CEP63: variants seen among roughly 807,000 people sequenced by gnomAD.
CEP63 encodes the protein centrosomal protein 63, also known as centrosomal protein of 63 kDa.
A neutral mutation model predicts 89.1 loss-of-function variants in CEP63; 84 were observed. The observed-to-expected ratio is 0.94, with a 90% confidence interval of 0.79 to 1.13. The LOEUF (loss-of-function observed/expected upper bound fraction) is 1.13, where lower values mean the gene tolerates loss of function less well. Among genes scored for constraint, CEP63 ranks in the 50% most tolerant of loss-of-function variants. The pLI is 0.00. For synonymous variants in CEP63, 267 were observed against 272.5 expected (o/e 0.98, Z 0.20); for missense variants, 838 against 813.3 (o/e 1.03, Z -0.37).
chr3:134,690,742 G>GTTTTTTTTTTTTTTT, the CEP63 span, among the ~76,000 whole-genome samples: 1 of 84,946 alleles, frequency 1.2e-5, no homozygotes, highest in African/African-American at 5.8e-5. Context: ...GGAAGACCAA[G>GTTTTTTTTTTTTTTT]ATTTTTTTTT....
At chr3:134,733,157 A>G in the CEP63 span, among the ~76,000 whole-genome samples, 2 of 152,158 alleles carry the variant, frequency 1.3e-5, no homozygotes, top group African/African-American at 2.4e-5. Context: ...TTTGGACAAG[A>G]CACCATCTCT....
At chr3:134,680,902 T>C in the CEP63 span, among the ~76,000 whole-genome samples, 1 of 152,234 alleles carries the variant, frequency 6.6e-6, no homozygotes, top group Non-Finnish European at 1.5e-5. Context: ...AAGCCTGATA[T>C]CTTTCAACTG....
chr3:134,589,821 A>T (rs1333120545), downstream of CEP63, among the ~76,000 whole-genome samples: 1 of 152,236 alleles, frequency 6.6e-6, no homozygotes, highest in Non-Finnish European at 1.5e-5. Context: ...AGCACTATTC[A>T]CAATAGCAAA....
chr3:134,583,915 C>T (rs1208738026), intron 10 of CEP63, among the ~76,000 whole-genome samples: 3 of 152,048 alleles, frequency 2.0e-5, no homozygotes, highest in Admixed American at 6.6e-5. Flanking sequence ...AAGTTGGATT[C>T]CTAGGTATCT....
chr3:134,598,785 T>C, the CEP63 span, among the ~76,000 whole-genome samples: 1 of 152,172 alleles, frequency 6.6e-6, no homozygotes, highest in Non-Finnish European at 1.5e-5. Context: ...TTGGGAGTAA[T>C]TTGAGGGAGA....
intron 11 of CEP63, among the ~76,000 whole-genome samples, chr3:134,571,640 C>A (rs1232718831): frequency 6.6e-6 from 1 of 152,130 alleles, no homozygotes; most frequent in Non-Finnish European, 1.5e-5. Flanking sequence ...GAGATCGTGC[C>A]ACTGCACTCC....
At chr3:134,639,298 C>T in the CEP63 span, among the ~76,000 whole-genome samples, 1 of 152,072 alleles carries the variant, frequency 6.6e-6, no homozygotes, top group African/African-American at 2.4e-5. Context: ...GATGGAACAC[C>T]ACCCTTAGGG....
chr3:134,513,680 T>C (rs1945528004), intron 3 of CEP63, among the ~76,000 whole-genome samples: 1 of 152,080 alleles, frequency 6.6e-6, no homozygotes, highest in Non-Finnish European at 1.5e-5. Flanking sequence ...ATGATGGCTC[T>C]GAACGCCTCC....
At chr3:134,573,968 C>T (rs899669365) in intron 11 of CEP63, among the ~76,000 whole-genome samples, 2 of 152,170 alleles carry the variant, frequency 1.3e-5, no homozygotes, top group Non-Finnish European at 2.9e-5. Flanking sequence ...GTGCTCTTCT[C>T]CTGGGTCTTC....
intron 10 of CEP63, among the ~76,000 whole-genome samples, chr3:134,582,640 T>C (rs978001652): frequency 1.2e-4 from 18 of 152,148 alleles, no homozygotes; most frequent in African/African-American, 3.9e-4. Flanking sequence ...AATAAACATA[T>C]GTGTGCATGA....
chr3:134,568,917 T>A (rs1229359879), downstream of CEP63, among the ~76,000 whole-genome samples: 1 of 152,130 alleles, frequency 6.6e-6, no homozygotes, highest in Non-Finnish European at 1.5e-5. Context: ...AGACTTACAG[T>A]TCCACGTGGC....
At position 134,559,510 on chromosome 3, in the gene CEP63, A is replaced by T. The variant is rs1956953577; in HGVS notation, c.1953+81A>T. ...TTTTATTTTAAGGGTGAAGAAGGTGATTTTTTTTTCCTTACTGATTCTTTT... is the reference window on the plus strand; with the variant it reads ...TTTTATTTTAAGGGTGAAGAAGGTGTTTTTTTTTTCCTTACTGATTCTTTT... On this transcript the variant is annotated intron_variant, in intron 14 of 14. Coordinates refer to ENST00000675561, the MANE Select transcript of CEP63 (RefSeq NM_001353108.3). 4 of 1,207,532 alleles carry T rather than the reference A, an allele frequency of 3.3e-6. No homozygotes were observed. The East Asian group carries it at 9.7e-5, about 29-fold the overall frequency. 74.8% of individuals were successfully genotyped at this position (1,207,532 alleles called of 1,614,324 possible).
the CEP63 span, among the ~76,000 whole-genome samples, chr3:134,686,192 G>C: frequency 6.6e-6 from 1 of 152,336 alleles, no homozygotes; most frequent in Admixed American, 6.5e-5. Flanking sequence ...CTGCTGCTAT[G>C]AAAAGCAAAA....
At chr3:134,619,299 G>C in the CEP63 span, 1 of 1,542,070 alleles carries the variant, frequency 6.5e-7, no homozygotes, top group Non-Finnish European at 9.0e-7. Context: ...TGAAGAGCTT[G>C]AGCCTGGGAG....
At chr3:134,636,564 C>G in the CEP63 span, among the ~76,000 whole-genome samples, 1 of 152,182 alleles carries the variant, frequency 6.6e-6, no homozygotes, top group African/African-American at 2.4e-5. Context: ...GAGGCTATCC[C>G]AGACCAGCTG....
intron 3 of CEP63, among the ~76,000 whole-genome samples, chr3:134,525,137 C>T (rs538039978): frequency 9.7e-4 from 147 of 152,174 alleles, no homozygotes; most frequent in African/African-American, 3.5e-3. Flanking sequence ...CGAATTTATC[C>T]ATTTCTTCTA....
chr3:134,577,189 A>C (rs1958235246), downstream of CEP63, among the ~76,000 whole-genome samples: 1 of 152,102 alleles, frequency 6.6e-6, no homozygotes, highest in South Asian at 2.1e-4. Context: ...CCCTTCAACC[A>C]GAATGGGGCT....
chr3:134,754,029 G>A, the CEP63 span, among the ~76,000 whole-genome samples: 4 of 152,204 alleles, frequency 2.6e-5, no homozygotes, highest in Non-Finnish European at 5.9e-5. Flanking sequence ...TGTGGACAAT[G>A]TACAATGTCC....
At chr3:134,558,866 C>T (rs1956785695) in intron 13 of CEP63, among the ~76,000 whole-genome samples, 1 of 152,180 alleles carries the variant, frequency 6.6e-6, no homozygotes, top group African/African-American at 2.4e-5. Flanking sequence ...CTTATGTGCA[C>T]AGCACTTCTC....
Sources: allele counts gnomAD v4.1 joint callset (sites outside exome capture counted in the v4.1 genomes callset), GRCh38; gene constraint gnomAD v4.1.1; transcripts MANE v1.5; gene names NCBI Gene and HGNC (gene_info 2026-07-23, HGNC 2026-07-21).